The following LLGL2 variants were observed in gnomAD, a reference collection of about 807,000 sequenced individuals.
LLGL2 encodes the protein LLGL2, scribble cell polarity complex component.
LLGL2 carries 81 observed loss-of-function variants against 123.2 expected under a neutral mutation model. The observed-to-expected ratio is 0.66, with a 90% CI of 0.55 to 0.79. The LOEUF is 0.79. Ranked by LOEUF, LLGL2 falls within the 30% of genes least tolerant of loss-of-function variation. LLGL2 has a pLI of 0.00. For missense variants in LLGL2, 1,273 were observed against 1,414.6 expected, an observed-to-expected ratio of 0.90 and a Z score of 1.61; for synonymous variants, 577 against 594.1, an observed-to-expected ratio of 0.97 and a Z score of 0.42.
rs952199983 is a variant in LLGL2 at position 75,545,899 on chromosome 17, G to C, written c.75+2398G>C. On this transcript the variant is annotated intron_variant, in intron 2 of 25. Coordinates refer to ENST00000392550, the MANE Select transcript of LLGL2 (RefSeq NM_001031803.2). ...TCAGCACTCACAGATGATATTTGAGGCTGGCTGTGCTGCGGAGGCTGTCCT... is the reference window on the plus strand; with the variant it reads ...TCAGCACTCACAGATGATATTTGAGCCTGGCTGTGCTGCGGAGGCTGTCCT... Among the ~76,000 whole-genome samples, 8 of 152,254 alleles carry C rather than the reference G, an allele frequency of 5.3e-5. No individual in the cohort carries two copies. The Middle Eastern group carries it at 0.01, about 194-fold the overall frequency.
intron 16 of LLGL2, 116 bp from the exon 17 acceptor site, chr17:75,570,834 C>A: frequency 7.4e-7 from 1 of 1,343,928 alleles, no homozygotes; most frequent in Non-Finnish European, 1.0e-6. Flanking sequence ...GCAGGCCTGG[C>A]AGGTGGCTGG....
In LLGL2 at chr17:75,558,217, T is replaced by C; in HGVS notation, c.236T>C (p.Ile79Thr). The change falls in exon 4 of 26, where the codon ATC becomes ACC. Residue 79 changes from isoleucine to threonine, a missense_variant. Physicochemically the swap from Ile to Thr is moderately conservative, Grantham distance 89. Transcript: ENST00000392550. The surrounding 1 kb of genome is among the most constrained non-coding windows in gnomAD (Gnocchi z 4.0). Reference protein sequence around the residue: ...LHQENNAVTQIHLLPGQCQLV... With the variant: ...LHQENNAVTQTHLLPGQCQLV... The stretch of plus-strand genomic sequence containing the variant: ...CAGGAGAACAACGCTGTGACGCAGA[T>C]CCACCTCCTGCCCGGCCAGGTGAGG... 1.2e-6 allele frequency: 2 copies of C among 1,613,020 alleles called. No individual in the cohort carries two copies. The highest frequency in any genetic ancestry group is 1.1e-5 in the South Asian group (1 of 91,088).
chr17:75,543,829 T>G (rs529861259), intron 2 of LLGL2, among the ~76,000 whole-genome samples: 1 of 152,246 alleles, frequency 6.6e-6, no homozygotes, highest in South Asian at 2.1e-4. Flanking sequence ...GGCACAGGGT[T>G]GTCAAGGAGG....
chr17:75,531,663 G>A (rs950869365), intron 1 of LLGL2, among the ~76,000 whole-genome samples: 7 of 152,322 alleles, frequency 4.6e-5, no homozygotes, highest in Non-Finnish European at 7.4e-5. Context: ...GGAGACGGGC[G>A]TCCCCCAGCG....
At position 75,568,762 on chromosome 17, in the gene LLGL2, C is replaced by G; in HGVS notation, c.1255-10C>G. On this transcript the variant is annotated splice_polypyrimidine_tract_variant and intron_variant, in intron 11 of 25. Transcript: ENST00000392550. Reference sequence around the variant, plus strand: ...AACTCTCCCATGGACTTCTTGGTCTCTTTTTCTAGGAGTGGCCAATTGATG... The same window carrying G: ...AACTCTCCCATGGACTTCTTGGTCTGTTTTTCTAGGAGTGGCCAATTGATG... The G allele has an allele frequency of 6.2e-7, 1 of 1,609,828 alleles. No individual in the cohort carries two copies. Among genetic ancestry groups the G allele is most frequent in the Non-Finnish European group, 8.5e-7 (1 of 1,177,452 alleles).
At chr17:75,555,176 C>CAA (rs564562894) in intron 2 of LLGL2, among the ~76,000 whole-genome samples, 3 of 103,848 alleles carry the variant, frequency 2.9e-5, no homozygotes, top group Non-Finnish European at 4.0e-5. Context: ...GATTCCATCT[C>CAA]AAAAAAAAAA....
At chr17:75,539,177 C>T (rs1052320836) in intron 1 of LLGL2, among the ~76,000 whole-genome samples, 1 of 152,128 alleles carries the variant, frequency 6.6e-6, no homozygotes. Flanking sequence ...TCCACCTTAG[C>T]CTTTTGAGTG....
At chr17:75,552,443 C>T (rs1375205085) in intron 2 of LLGL2, among the ~76,000 whole-genome samples, 1 of 152,198 alleles carries the variant, frequency 6.6e-6, no homozygotes, top group Non-Finnish European at 1.5e-5. Flanking sequence ...GAGCTGTGAT[C>T]GTGCCACTGC....
At position 75,559,394 on chromosome 17, in the gene LLGL2, G is replaced by A; in HGVS notation, c.514G>A (p.Asp172Asn). Residue 172 changes from aspartate (D) to asparagine (N), a missense_variant, in exon 6 of 26, where the codon GAC (aspartate) becomes AAC (asparagine). Transcript: ENST00000392550. This position sits in a 1 kb window ranked among gnomAD's most constrained non-coding sequence, Gnocchi z 4.6. Reference protein sequence around the residue: ...RALEDRTISSDAVLQRLPEEA... With the variant: ...RALEDRTISSNAVLQRLPEEA... ...GCTGGAGGACCGGACCATCAGCTCG[G>A]ACGCGGTGCTGCAGCGGTGAGCCCA... is the stretch of plus-strand genomic sequence containing the variant. 6.2e-7 allele frequency: 1 copy of A among 1,610,300 alleles called. No homozygotes were observed. Among genetic ancestry groups the A allele is most frequent in the Non-Finnish European group, 8.5e-7 (1 of 1,178,668 alleles).
chr17:75,567,317 G>T (rs1235904521), intron 10 of LLGL2, among the ~76,000 whole-genome samples: 3 of 152,050 alleles, frequency 2.0e-5, no homozygotes, highest in Admixed American at 2.0e-4. Context: ...TAAAAAATTA[G>T]CCAGGCATTG....
rs72439797 is a variant in LLGL2 at position 75,554,302 on chromosome 17, C to CAA, written c.76-1727_76-1726dup. On this transcript the variant is annotated intron_variant, in intron 2 of 25. Coordinates refer to ENST00000392550, the MANE Select transcript of LLGL2 (RefSeq NM_001031803.2). ...GGGTGACAAGAGCAAAACTCCGTCT[C>CAA]AAAAAAAAAAAAAAAAAAGCCATTT... 5.5e-3 allele frequency among the ~76,000 whole-genome samples: 732 copies of CAA among 133,696 alleles called. 14 individuals carry two copies. Among genetic ancestry groups the CAA allele is most frequent in the African/African-American group, 0.017 (538 of 32,444 alleles). The allele number at this position is 133,696 out of a possible 152,430, so 87.7% of individuals were successfully genotyped here.
chr17:75,556,405 A>G (rs917861160), intron 3 of LLGL2, among the ~76,000 whole-genome samples: 1 of 152,078 alleles, frequency 6.6e-6, no homozygotes, highest in Non-Finnish European at 1.5e-5. Context: ...TGGACTGAGG[A>G]GATACAGGCT....
At chr17:75,535,427 A>G (rs976984773) in intron 1 of LLGL2, among the ~76,000 whole-genome samples, 1 of 152,144 alleles carries the variant, frequency 6.6e-6, no homozygotes, top group Non-Finnish European at 1.5e-5. Flanking sequence ...CTGGGTCTGG[A>G]GTCCTGCCGC....
chr17:75,562,462 T>A (rs539148732), intron 6 of LLGL2: 184 of 155,810 alleles, frequency 1.2e-3, no homozygotes, highest in Middle Eastern at 6.8e-3. Flanking sequence ...TGCCTTGCCT[T>A]GCCTTATAAT....
intron 2 of LLGL2, among the ~76,000 whole-genome samples, chr17:75,545,023 G>A (rs1480477402): frequency 1.3e-5 from 2 of 152,036 alleles, no homozygotes; most frequent in Non-Finnish European, 2.9e-5. Flanking sequence ...AGATGGAAGG[G>A]AACTGAGTGA....
intron 1 of LLGL2, among the ~76,000 whole-genome samples, chr17:75,541,715 C>CTTTTTTTTTTT (rs56656168): frequency 3.2e-5 from 1 of 31,544 alleles, no homozygotes; most frequent in Non-Finnish European, 5.4e-5. Flanking sequence ...TGTGGCTCTG[C>CTTTTTTTTTTT]TTTTTTTTTT....
intron 1 of LLGL2, among the ~76,000 whole-genome samples, chr17:75,530,859 C>T (rs1356686974): frequency 1.3e-5 from 2 of 152,072 alleles, no homozygotes; most frequent in Admixed American, 1.3e-4. Flanking sequence ...CAGCGAGGAC[C>T]TTTTTCAGGA....
Position 75,556,039 on chromosome 17 carries a change from G to A in LLGL2, c.76-7G>A, listed in dbSNP as rs189040458. 153 of 1,607,312 alleles carry A rather than the reference G, an allele frequency of 9.5e-5. No individual in the cohort carries two copies. The East Asian group carries it at 1.6e-3, about 17-fold the overall frequency. On this transcript the variant is annotated splice_region_variant and splice_polypyrimidine_tract_variant and intron_variant, in intron 2 of 25. Coordinates refer to ENST00000392550, the MANE Select transcript of LLGL2 (RefSeq NM_001031803.2). ...TGCAGGCCCACCCCACGTGCTTCTC[G>A]TTGCAGACGGTGGAGCATGGCTTCC... is the stretch of plus-strand genomic sequence containing the variant.
rs541307351 is a variant in LLGL2 at position 75,559,579 on chromosome 17, T to C, written c.530+169T>C. On this transcript the variant is annotated intron_variant, in intron 6 of 25. Transcript: ENST00000392550. This position sits in a 1 kb window ranked among gnomAD's most constrained non-coding sequence, Gnocchi z 4.6. ...TACCTGTCACCTACTGAGAACCTATTGGCCTGTCATAGGTTAGCATCATAG... is the reference window on the plus strand; with the variant it reads ...TACCTGTCACCTACTGAGAACCTATCGGCCTGTCATAGGTTAGCATCATAG... 2.9e-4 allele frequency among the ~76,000 whole-genome samples: 44 copies of C among 152,348 alleles called. No individual in the cohort carries two copies. The highest frequency in any genetic ancestry group is 9.9e-4 in the African/African-American group (41 of 41,588).
Sources: allele counts gnomAD v4.1 joint callset (sites outside exome capture counted in the v4.1 genomes callset), GRCh38; gene constraint gnomAD v4.1.1; non-coding constraint Gnocchi (gnomAD v3.1); transcripts MANE v1.5; gene names NCBI Gene and HGNC (gene_info 2026-07-23, HGNC 2026-07-21).